Variants in MACROD2 observed in about 807,000 individuals in gnomAD.
The protein encoded by MACROD2 is mono-ADP ribosylhydrolase 2.
MACROD2 carries 36 observed loss-of-function variants against 70.4 expected under a neutral mutation model. That is an observed-to-expected ratio of 0.51 (90% CI 0.39 to 0.68). The LOEUF (loss-of-function observed/expected upper bound fraction) is 0.68, where lower values mean the gene tolerates loss of function less well. Among genes scored for constraint, MACROD2 ranks in the 30% least tolerant of loss-of-function variants. MACROD2 has a pLI of 0.00. For missense variants in MACROD2, 496 were observed against 538.4 expected, an observed-to-expected ratio of 0.92 and a Z score of 0.78; for synonymous variants, 172 against 178.8, an observed-to-expected ratio of 0.96 and a Z score of 0.30.
Position 14,498,153 on chromosome 20 carries a change from A to G in MACROD2, c.301+4645A>G, listed in dbSNP as rs543376152. On this transcript the variant is annotated intron_variant, in intron 4 of 17. Coordinates refer to ENST00000684519, the MANE Select transcript of MACROD2 (RefSeq NM_001351661.2). ...CATACAATGAGGCTGTTTGTGTGAC[A>G]TACTAAAATTCATGCTTGAAAAGGA... 3.4e-4 allele frequency among the ~76,000 whole-genome samples: 51 copies of G among 151,938 alleles called. No individual in the cohort carries two copies. The South Asian group carries it at 0.01, about 30-fold the overall frequency.
intron 2 of MACROD2, among the ~76,000 whole-genome samples, chr20:14,074,827 G>A (rs1024513005): frequency 1.3e-5 from 2 of 152,116 alleles, no homozygotes; most frequent in Non-Finnish European, 2.9e-5. Context: ...GAAAATATTA[G>A]GTAGAAAATT....
At chr20:14,598,653 C>T (rs1367783728) in intron 4 of MACROD2, among the ~76,000 whole-genome samples, 3 of 152,116 alleles carry the variant, frequency 2.0e-5, no homozygotes, top group African/African-American at 7.2e-5. Context: ...GGTGTACTTA[C>T]TGTGAAAATG....
chr20:15,477,283 T>C (rs559413820), intron 7 of MACROD2, among the ~76,000 whole-genome samples: 8 of 152,060 alleles, frequency 5.3e-5, no homozygotes, highest in Admixed American at 2.6e-4. Context: ...TTTGTATACA[T>C]AGGACATCAC....
At chr20:14,824,163 T>C (rs1036452128) in intron 5 of MACROD2, among the ~76,000 whole-genome samples, 3 of 152,154 alleles carry the variant, frequency 2.0e-5, no homozygotes, top group African/African-American at 7.2e-5. Context: ...GAGAGGGTTG[T>C]ATATTTGACC....
At chr20:15,178,533 G>A (rs996219247) in intron 5 of MACROD2, among the ~76,000 whole-genome samples, 14 of 152,090 alleles carry the variant, frequency 9.2e-5, no homozygotes, top group South Asian at 2.1e-4. Context: ...AAGTTGTTAC[G>A]CTAGAGCTTG....
intron 8 of MACROD2, among the ~76,000 whole-genome samples, chr20:15,557,796 G>C (rs2048187646): frequency 6.6e-6 from 1 of 152,126 alleles, no homozygotes; most frequent in South Asian, 2.1e-4. Flanking sequence ...CCTGGTCTCT[G>C]AGCTATTTGT....
chr20:15,213,680 C>T (rs752517199), intron 5 of MACROD2, among the ~76,000 whole-genome samples: 7 of 152,082 alleles, frequency 4.6e-5, no homozygotes, highest in Non-Finnish European at 8.8e-5. Context: ...TGAAGTCATT[C>T]ATCCAAGTTG....
At chr20:14,818,592 G>T (rs1382169415) in intron 5 of MACROD2, among the ~76,000 whole-genome samples, 1 of 151,954 alleles carries the variant, frequency 6.6e-6, no homozygotes, top group East Asian at 1.9e-4. Flanking sequence ...TAGGGAGTCT[G>T]CCTGCCAAAA....
chr20:14,574,014 G>T (rs778477589), intron 4 of MACROD2, among the ~76,000 whole-genome samples: 6 of 152,154 alleles, frequency 3.9e-5, no homozygotes, highest in Non-Finnish European at 7.4e-5. Flanking sequence ...TGAAGTAGTA[G>T]CCTTAACCAC....
At chr20:15,778,967 A>G (rs2051783031) in intron 8 of MACROD2, among the ~76,000 whole-genome samples, 1 of 152,162 alleles carries the variant, frequency 6.6e-6, no homozygotes, top group South Asian at 2.1e-4. Flanking sequence ...CAAAGATTGT[A>G]GTGCTGTGAG....
chr20:14,706,385 C>G (rs1329868096), intron 5 of MACROD2, among the ~76,000 whole-genome samples: 2 of 151,942 alleles, frequency 1.3e-5, no homozygotes, highest in Admixed American at 1.3e-4. Context: ...TCCAGCAAAT[C>G]AGTGAGTGTT....
intron 3 of MACROD2, among the ~76,000 whole-genome samples, chr20:14,230,595 G>A (rs533311959): frequency 1.5e-5 from 2 of 136,348 alleles, no homozygotes; most frequent in Non-Finnish European, 3.1e-5. Flanking sequence ...CATCCACCAG[G>A]CTTGGAATCA....
chr20:16,023,354 A>G (rs2067029971), intron 15 of MACROD2, among the ~76,000 whole-genome samples: 1 of 151,402 alleles, frequency 6.6e-6, no homozygotes, highest in African/African-American at 2.4e-5. Context: ...GGGCTCCTGT[A>G]GTCCCAGCTA....
intron 5 of MACROD2, among the ~76,000 whole-genome samples, chr20:14,940,442 T>C (rs1489416787): frequency 6.6e-6 from 1 of 152,196 alleles, no homozygotes; most frequent in African/African-American, 2.4e-5. Context: ...TTATTTTGAA[T>C]AAAAGTAGTA....
chr20:16,008,863 T>C (rs990428440), intron 15 of MACROD2, among the ~76,000 whole-genome samples: 1 of 152,114 alleles, frequency 6.6e-6, no homozygotes, highest in Non-Finnish European at 1.5e-5. Flanking sequence ...ATAATTACTT[T>C]GCTAATCTCC....
intron 10 of MACROD2, among the ~76,000 whole-genome samples, chr20:15,928,072 T>C (rs2065518268): frequency 6.6e-6 from 1 of 152,232 alleles, no homozygotes; most frequent in African/African-American, 2.4e-5. Context: ...GTAGCTTAGA[T>C]AGCAGGAATG....
At chr20:15,540,448 T>C (rs2047940321) in intron 8 of MACROD2, among the ~76,000 whole-genome samples, 1 of 152,110 alleles carries the variant, frequency 6.6e-6, no homozygotes, top group Admixed American at 6.6e-5. Context: ...AGGAAGAGAC[T>C]CTTGTAGCAA....
intron 13 of MACROD2, among the ~76,000 whole-genome samples, chr20:15,980,993 T>G (rs938465191): frequency 6.6e-6 from 1 of 152,194 alleles, no homozygotes; most frequent in East Asian, 1.9e-4. Flanking sequence ...TAATTTTGTT[T>G]TTAGTGGGCC....
At chr20:14,318,656 A>G (rs2082633664) in intron 3 of MACROD2, among the ~76,000 whole-genome samples, 1 of 152,166 alleles carries the variant, frequency 6.6e-6, no homozygotes, top group Non-Finnish European at 1.5e-5. Context: ...TCTGTTCTTA[A>G]TGTCTATACT....
Sources: gnomAD v4.1 joint callset for allele counts (sites outside exome capture counted in the v4.1 genomes callset) on GRCh38, gnomAD v4.1.1 for gene constraint, MANE v1.5 for transcripts, NCBI Gene and HGNC (gene_info 2026-07-23, HGNC 2026-07-21) for gene names.